Variants in DPH6 observed in about 807,000 individuals in gnomAD.
DPH6 encodes the protein diphthine--ammonia ligase.
DPH6 carries 33 observed loss-of-function variants against 38.2 expected under a neutral mutation model. That is an observed-to-expected ratio of 0.86 (90% CI 0.65 to 1.15). DPH6 has a LOEUF of 1.15. Ranked by LOEUF, DPH6 falls within the 50% of genes most tolerant of loss-of-function variation. The probability of loss-of-function intolerance (pLI) is 0.00; values close to 1 mark genes in which losing one functional copy is unlikely to be tolerated. For synonymous variants in DPH6, 108 were observed against 103.0 expected (o/e 1.05, Z -0.30); for missense variants, 325 against 320.0 (o/e 1.02, Z -0.12).
intron 3 of DPH6, among the ~76,000 whole-genome samples, chr15:35,362,818 G>C (rs897135051): frequency 2.0e-5 from 3 of 152,146 alleles, no homozygotes; most frequent in Admixed American, 1.3e-4. Flanking sequence ...TTTTGACTCT[G>C]AGCTTGTCTG....
At chr15:35,289,780 C>T (rs949629792) in intron 3 of DPH6, among the ~76,000 whole-genome samples, 5 of 152,090 alleles carry the variant, frequency 3.3e-5, no homozygotes, top group Non-Finnish European at 1.5e-5. Flanking sequence ...AATGTCAGAA[C>T]AAAATAAAGG....
At chr15:35,470,389 A>T (rs1006999725) in intron 3 of DPH6, among the ~76,000 whole-genome samples, 2 of 152,176 alleles carry the variant, frequency 1.3e-5, no homozygotes, top group East Asian at 1.9e-4. Flanking sequence ...TAAAAAAAAT[A>T]AAAAAGTTCA....
Position 35,353,217 on chromosome 15 carries a change from C to T in DPH6, n.207+20304G>A, listed in dbSNP as rs1189371582. On this transcript the variant is annotated intron_variant and non_coding_transcript_variant, in intron 3 of 3. Transcript: ENST00000558973. ...TGAGTAGATTGCAAAAATTTTCTCC[C>T]ATTCTGTAGGCTGCCTGTTCACTCT... Among the ~76,000 whole-genome samples the T allele has an allele frequency of 2.6e-5, 4 of 152,102 alleles. No individual in the cohort carries two copies. The South Asian group carries it at 8.3e-4, about 32-fold the overall frequency.
At chr15:35,464,862 G>A (rs558017501) in intron 3 of DPH6, among the ~76,000 whole-genome samples, 1 of 152,298 alleles carries the variant, frequency 6.6e-6, no homozygotes, top group South Asian at 2.1e-4. Flanking sequence ...ACTATAAAAT[G>A]TACCCCATGT....
intron 3 of DPH6, among the ~76,000 whole-genome samples, chr15:35,243,531 A>T (rs1257375106): frequency 1.4e-5 from 2 of 145,962 alleles, no homozygotes; most frequent in Admixed American, 7.2e-5. Flanking sequence ...TTAACTGATG[A>T]CATTCCACCA....
At chr15:35,212,845 TTAAA>T (rs1225211198), downstream of DPH6, among the ~76,000 whole-genome samples, 1 of 152,240 alleles carries the variant, frequency 6.6e-6, no homozygotes, top group African/African-American at 2.4e-5. Flanking sequence ...ATGTAAATGC[TTAAA>T]TAGTGCTTTA....
chr15:35,521,986 C>G, intron 3 of DPH6: 1 of 1,469,998 alleles, frequency 6.8e-7, no homozygotes, highest in Non-Finnish European at 9.0e-7. Flanking sequence ...ACTAAGCCGT[C>G]AACTACCAGC....
intron 3 of DPH6, among the ~76,000 whole-genome samples, chr15:35,509,870 C>G (rs1282628677): frequency 6.6e-6 from 1 of 152,150 alleles, no homozygotes; most frequent in Non-Finnish European, 1.5e-5. Context: ...GTAATTTAAT[C>G]ATTTTTCCTC....
chr15:35,346,307 A>T (rs2052461644), intron 3 of DPH6, among the ~76,000 whole-genome samples: 1 of 151,988 alleles, frequency 6.6e-6, no homozygotes, highest in South Asian at 2.1e-4. Context: ...GAAGTGTGTG[A>T]AGGTACTTAG....
At chr15:35,535,874 C>T (rs565329163) in intron 3 of DPH6, among the ~76,000 whole-genome samples, 7 of 152,234 alleles carry the variant, frequency 4.6e-5, no homozygotes, top group African/African-American at 1.7e-4. Flanking sequence ...TCCTCCAAGT[C>T]TTTCCTACTT....
the DPH6 span, among the ~76,000 whole-genome samples, chr15:35,191,586 C>T: frequency 1.3e-5 from 2 of 152,182 alleles, no homozygotes; most frequent in African/African-American, 4.8e-5. Flanking sequence ...CCCTATGAAG[C>T]CCTTCCTGAC....
At chr15:35,262,705 C>CAAAAAAAAAAAAAAAAAAAA (rs58580024) in intron 3 of DPH6, among the ~76,000 whole-genome samples, 8 of 82,632 alleles carry the variant, frequency 9.7e-5, no homozygotes, top group African/African-American at 4.5e-4. Context: ...GACTCCGTCT[C>CAAAAAAAAAAAAAAAAAAAA]AAAAAAAAAA....
intron 3 of DPH6, among the ~76,000 whole-genome samples, chr15:35,334,514 G>A (rs973580891): frequency 1.3e-5 from 2 of 152,032 alleles, no homozygotes; most frequent in East Asian, 1.9e-4. Context: ...GGTATTAAGT[G>A]CAGCATCCAT....
chr15:35,541,133 A>C (rs2055247213), intron 2 of DPH6, among the ~76,000 whole-genome samples: 1 of 152,106 alleles, frequency 6.6e-6, no homozygotes, highest in Non-Finnish European at 1.5e-5. Context: ...TTGCAGCACA[A>C]AATCCAAACA....
intron 3 of DPH6, among the ~76,000 whole-genome samples, chr15:35,355,309 T>C (rs1219645700): frequency 6.6e-6 from 1 of 152,230 alleles, no homozygotes; most frequent in Non-Finnish European, 1.5e-5. Flanking sequence ...TTGTTATGTG[T>C]GAATTTGATC....
At chr15:35,324,260 T>G (rs977224834) in intron 3 of DPH6, among the ~76,000 whole-genome samples, 1 of 152,188 alleles carries the variant, frequency 6.6e-6, no homozygotes, top group Non-Finnish European at 1.5e-5. Flanking sequence ...TGTCTGAAGA[T>G]GCTATATTAG....
chr15:35,314,336 C>T (rs1342093252), intron 3 of DPH6, among the ~76,000 whole-genome samples: 2 of 152,060 alleles, frequency 1.3e-5, no homozygotes, highest in Non-Finnish European at 2.9e-5. Context: ...GCATATTTCT[C>T]ATTTTTTTTG....
intron 3 of DPH6, among the ~76,000 whole-genome samples, chr15:35,528,701 T>C (rs2055041888): frequency 6.6e-6 from 1 of 152,200 alleles, no homozygotes; most frequent in Non-Finnish European, 1.5e-5. Context: ...GTAAGAAATA[T>C]ACAATGTAAT....
chr15:35,197,606 T>G, the DPH6 span, among the ~76,000 whole-genome samples: 2 of 152,218 alleles, frequency 1.3e-5, no homozygotes, highest in Non-Finnish European at 2.9e-5. Context: ...TATGTATACA[T>G]GCCTGAAATA....
Sources: gnomAD v4.1 joint callset for allele counts (sites outside exome capture counted in the v4.1 genomes callset) on GRCh38, gnomAD v4.1.1 for gene constraint, MANE v1.5 for transcripts, NCBI Gene and HGNC (gene_info 2026-07-23, HGNC 2026-07-21) for gene names.